PDE4B: variants seen among roughly 807,000 people sequenced by gnomAD.
PDE4B encodes phosphodiesterase 4B, also known as 3',5'-cyclic-AMP phosphodiesterase 4B.
In PDE4B, 20 loss-of-function variants were observed where a neutral mutation model predicts 82.2. The observed-to-expected ratio is 0.24, with a 90% CI of 0.17 to 0.35. The LOEUF is 0.35. Among genes scored for constraint, PDE4B ranks in the 10% least tolerant of loss-of-function variants. The pLI, the probability that PDE4B is intolerant of heterozygous loss-of-function variation, is 1.00. For synonymous variants in PDE4B, 320 were observed against 318.9 expected, an observed-to-expected ratio of 1.00 and a Z score of -0.04; for missense variants, 655 against 907.2, an observed-to-expected ratio of 0.72 and a Z score of 3.57.
At chr1:65,948,930 G>A (rs55649302) in intron 3 of PDE4B, among the ~76,000 whole-genome samples, 8 of 152,014 alleles carry the variant, frequency 5.3e-5, no homozygotes, top group Non-Finnish European at 1.2e-4. Flanking sequence ...CTGCCGTCAC[G>A]TATCTCTTTT....
At chr1:66,118,780 T>C (rs1408793854) in intron 3 of PDE4B, among the ~76,000 whole-genome samples, 3 of 152,204 alleles carry the variant, frequency 2.0e-5, no homozygotes, top group Admixed American at 1.3e-4. Context: ...CATTTAATAA[T>C]TGAGTAAGTA....
intron 3 of PDE4B, among the ~76,000 whole-genome samples, chr1:65,939,628 C>T (rs943393730): frequency 6.6e-6 from 1 of 152,102 alleles, no homozygotes; most frequent in Non-Finnish European, 1.5e-5. Flanking sequence ...ATGCTCAGGT[C>T]TTGAACCCCA....
intron 3 of PDE4B, among the ~76,000 whole-genome samples, chr1:65,997,151 A>G (rs1020506075): frequency 5.8e-5 from 2 of 34,744 alleles, no homozygotes; most frequent in African/African-American, 2.3e-4. Flanking sequence ...CCCCTGACCC[A>G]CCCCCGCCCC....
At chr1:65,863,127 T>G (rs938098308) in intron 1 of PDE4B, among the ~76,000 whole-genome samples, 2 of 152,202 alleles carry the variant, frequency 1.3e-5, no homozygotes, top group Non-Finnish European at 2.9e-5. Context: ...AGTTTTCTGA[T>G]GTGGGCACAT....
At position 66,016,507 on chromosome 1, in the gene PDE4B, T is replaced by G. The variant is rs1401620874; in HGVS notation, c.281+97672T>G. 2.6e-5 allele frequency among the ~76,000 whole-genome samples: 4 copies of G among 152,284 alleles called. No homozygotes were observed. The East Asian group carries it at 7.7e-4, about 29-fold the overall frequency. ...TCCTCTTCAATGTAACCTTCTTCAG[T>G]TTAAGGAAGAGTATATATTAGAGAT... is the stretch of plus-strand genomic sequence containing the variant. On this transcript the variant is annotated intron_variant, in intron 3 of 16. Coordinates refer to ENST00000341517, the MANE Select transcript of PDE4B (RefSeq NM_002600.4).
intron 3 of PDE4B, among the ~76,000 whole-genome samples, chr1:65,962,247 G>C (rs1405553836): frequency 1.3e-5 from 2 of 152,150 alleles, no homozygotes; most frequent in Non-Finnish European, 2.9e-5. Flanking sequence ...TCTACAGAAT[G>C]TGCATCCCTT....
chr1:66,008,610 C>T (rs1241559088), intron 3 of PDE4B, among the ~76,000 whole-genome samples: 2 of 152,114 alleles, frequency 1.3e-5, no homozygotes, highest in African/African-American at 4.8e-5. Context: ...TGCTGTATTT[C>T]ATTTCTCCCT....
intron 3 of PDE4B, among the ~76,000 whole-genome samples, chr1:66,068,690 C>A (rs1210822204): frequency 1.3e-5 from 2 of 151,816 alleles, no homozygotes; most frequent in African/African-American, 4.8e-5. Flanking sequence ...TACAAACACA[C>A]TTTTATATAA....
At chr1:66,111,107 T>G (rs2101051676) in intron 3 of PDE4B, among the ~76,000 whole-genome samples, 1 of 152,216 alleles carries the variant, frequency 6.6e-6, no homozygotes, top group Admixed American at 6.6e-5. Context: ...GAAATGGTGC[T>G]ATTTTAATCA....
intron 3 of PDE4B, among the ~76,000 whole-genome samples, chr1:66,172,314 G>A (rs1646852703): frequency 6.6e-6 from 1 of 152,314 alleles, no homozygotes; most frequent in African/African-American, 2.4e-5. Context: ...GTATTCCGTG[G>A]TGTATATGTA....
chr1:66,217,012 C>G (rs769882984), intron 3 of PDE4B, among the ~76,000 whole-genome samples: 1 of 152,144 alleles, frequency 6.6e-6, no homozygotes, highest in Non-Finnish European at 1.5e-5. Context: ...TTAAATTACT[C>G]TCTTCTTACA....
intron 1 of PDE4B, among the ~76,000 whole-genome samples, chr1:65,894,689 A>G (rs1646889713): frequency 1.3e-5 from 2 of 152,200 alleles, no homozygotes; most frequent in Admixed American, 1.3e-4. Flanking sequence ...AAAATCACCA[A>G]ATAAAATTAT....
chr1:66,136,581 G>A (rs1271212998), intron 3 of PDE4B, among the ~76,000 whole-genome samples: 1 of 151,346 alleles, frequency 6.6e-6, no homozygotes, highest in African/African-American at 2.4e-5. Context: ...GTGGTGGCAG[G>A]TGCCTGTAAT....
intron 1 of PDE4B, among the ~76,000 whole-genome samples, chr1:65,839,958 G>A (rs1646188003): frequency 6.6e-6 from 1 of 152,018 alleles, no homozygotes; most frequent in South Asian, 2.1e-4. Flanking sequence ...TTTAATGATT[G>A]CAATTCTAAC....
At chr1:66,358,754 G>C (rs1198703220) in intron 9 of PDE4B, among the ~76,000 whole-genome samples, 1 of 151,600 alleles carries the variant, frequency 6.6e-6, no homozygotes, top group Non-Finnish European at 1.5e-5. Flanking sequence ...ACCTCAGTGA[G>C]CACAAAATAA....
chr1:66,100,997 A>G (rs1645211571), intron 3 of PDE4B, among the ~76,000 whole-genome samples: 1 of 151,872 alleles, frequency 6.6e-6, no homozygotes, highest in African/African-American at 2.4e-5. Flanking sequence ...CCACCCCACA[A>G]CAGGCCCCAG....
At chr1:65,924,443 G>A (rs1176078465) in intron 3 of PDE4B, among the ~76,000 whole-genome samples, 1 of 150,710 alleles carries the variant, frequency 6.6e-6, no homozygotes, top group East Asian at 2.0e-4. Flanking sequence ...TTTGATTATT[G>A]TATTTTTACA....
At chr1:66,339,905 T>C (rs566112909) in intron 8 of PDE4B, among the ~76,000 whole-genome samples, 3 of 151,830 alleles carry the variant, frequency 2.0e-5, no homozygotes, top group Admixed American at 6.6e-5. Flanking sequence ...TTGTATGCCA[T>C]TGTTGTCTAT....
chr1:65,995,390 T>C (rs867090137), intron 3 of PDE4B, among the ~76,000 whole-genome samples: 11 of 152,340 alleles, frequency 7.2e-5, no homozygotes, highest in Middle Eastern at 3.4e-3. Context: ...CATATTTTTA[T>C]GACTTTTTCA....
Sources: allele counts gnomAD v4.1 joint callset (sites outside exome capture counted in the v4.1 genomes callset), GRCh38; gene constraint gnomAD v4.1.1; transcripts MANE v1.5; gene names NCBI Gene and HGNC (gene_info 2026-07-23, HGNC 2026-07-21).